DLG2: variants seen among roughly 807,000 people sequenced by gnomAD.
DLG2 encodes the protein discs large MAGUK scaffold protein 2, also known as disks large homolog 2.
Under a neutral mutation model 132.5 loss-of-function variants are expected in DLG2, and 45 were observed. The observed-to-expected ratio is 0.34, with a 90% CI of 0.27 to 0.44. The LOEUF is 0.44. Among genes scored for constraint, DLG2 ranks in the 20% least tolerant of loss-of-function variants. The probability of loss-of-function intolerance (pLI) is 1.00; values close to 1 mark genes in which losing one functional copy is unlikely to be tolerated. For synonymous variants in DLG2, 424 were observed against 419.6 expected (o/e 1.01, Z -0.13); for missense variants, 1,045 against 1,196.9 (o/e 0.87, Z 1.87).
At chr11:85,309,412 A>C (rs999702270) in intron 3 of DLG2, among the ~76,000 whole-genome samples, 2 of 125,720 alleles carry the variant, frequency 1.6e-5, no homozygotes, top group African/African-American at 2.9e-5. Context: ...CACAGACTCC[A>C]TATAGGGGTT....
intron 17 of DLG2, among the ~76,000 whole-genome samples, chr11:83,789,375 C>T (rs1265722363): frequency 3.1e-3 from 18 of 5,842 alleles, no homozygotes; most frequent in Admixed American, 0.013. Flanking sequence ...AAGGACAGGG[C>T]GGGGCGGGAG....
At chr11:83,736,871 C>A (rs1222493915) in intron 18 of DLG2, among the ~76,000 whole-genome samples, 2 of 152,140 alleles carry the variant, frequency 1.3e-5, no homozygotes, top group East Asian at 3.9e-4. Context: ...TGGCTAATTA[C>A]TTCTCTATAG....
At chr11:84,179,083 G>A (rs2096052954) in intron 8 of DLG2, among the ~76,000 whole-genome samples, 1 of 151,874 alleles carries the variant, frequency 6.6e-6, no homozygotes, top group South Asian at 2.1e-4. Flanking sequence ...TATGTGCAAA[G>A]AACTAAAAGA....
At chr11:85,149,820 T>C (rs767195846) in intron 5 of DLG2, among the ~76,000 whole-genome samples, 1 of 151,468 alleles carries the variant, frequency 6.6e-6, no homozygotes, top group African/African-American at 2.4e-5. Flanking sequence ...CGTTGGGAGG[T>C]GGTATATATC....
At chr11:85,068,193 T>A (rs959511875) in intron 6 of DLG2, among the ~76,000 whole-genome samples, 5 of 152,198 alleles carry the variant, frequency 3.3e-5, no homozygotes, top group Non-Finnish European at 5.9e-5. Flanking sequence ...ACAGCCAATA[T>A]CATACTGAAT....
intron 19 of DLG2, among the ~76,000 whole-genome samples, chr11:83,599,719 C>A (rs550335779): frequency 6.6e-6 from 1 of 152,306 alleles, no homozygotes; most frequent in African/African-American, 2.4e-5. Context: ...AACCACAGGG[C>A]AGGCACTCTA....
rs1053368675 is a variant in DLG2, at chr11:84,889,323, G to A, written c.357+222338C>T. 2.6e-5 allele frequency among the ~76,000 whole-genome samples: 4 copies of A among 152,142 alleles called. No individual in the cohort carries two copies. In the South Asian group the frequency reaches 8.3e-4, roughly 32 times the overall value. Reference sequence around the variant, plus strand: ...TGCATTAGATGATAACACTACTGAGGGCTGTAAAAATCTCTGAAGGCTTCA... The same window carrying A: ...TGCATTAGATGATAACACTACTGAGAGCTGTAAAAATCTCTGAAGGCTTCA... On this transcript the variant is annotated intron_variant, in intron 6 of 27. Coordinates refer to ENST00000376104, the MANE Select transcript of DLG2 (RefSeq NM_001142699.3).
chr11:83,831,508 C>CTG (rs753506616), intron 17 of DLG2, among the ~76,000 whole-genome samples: 3,433 of 148,820 alleles, frequency 0.023, 31 homozygotes, highest in Non-Finnish European at 0.025. Flanking sequence ...TTCAGGTAAA[C>CTG]TGTGTGTGTG....
chr11:84,655,843 G>A (rs1162559060), intron 6 of DLG2, among the ~76,000 whole-genome samples: 5 of 151,872 alleles, frequency 3.3e-5, no homozygotes, highest in Admixed American at 3.3e-4. Context: ...CTATCAGGGG[G>A]CCTTTTCATC....
intron 9 of DLG2, among the ~76,000 whole-genome samples, chr11:84,118,986 T>C (rs1344108763): frequency 6.6e-6 from 1 of 152,150 alleles, no homozygotes; most frequent in East Asian, 1.9e-4. Context: ...TTATAAGCCC[T>C]CTAATATCTG....
intron 6 of DLG2, among the ~76,000 whole-genome samples, chr11:84,794,918 C>T (rs923242167): frequency 1.3e-5 from 2 of 152,298 alleles, no homozygotes; most frequent in African/African-American, 2.4e-5. Flanking sequence ...AGCCTGTGTG[C>T]CGTGGGCACC....
At chr11:84,135,999 A>T (rs577844228) in intron 9 of DLG2, among the ~76,000 whole-genome samples, 1 of 152,098 alleles carries the variant, frequency 6.6e-6, no homozygotes, top group African/African-American at 2.4e-5. Flanking sequence ...GAGAGGTGGA[A>T]TTTATAGGAC....
At chr11:84,216,320 G>A (rs1372588196) in intron 8 of DLG2, among the ~76,000 whole-genome samples, 1 of 152,078 alleles carries the variant, frequency 6.6e-6, no homozygotes, top group Non-Finnish European at 1.5e-5. Flanking sequence ...CCTATTTTAA[G>A]TTTAGTTGAT....
intron 5 of DLG2, among the ~76,000 whole-genome samples, chr11:85,134,267 T>TC (rs2075975668): frequency 6.6e-6 from 1 of 151,472 alleles, no homozygotes; most frequent in Non-Finnish European, 1.5e-5. Context: ...TTTTTTTTTT[T>TC]CATAAAAAGT....
At chr11:85,434,511 A>AAATAC (rs1447872950) in intron 3 of DLG2, among the ~76,000 whole-genome samples, 1 of 152,214 alleles carries the variant, frequency 6.6e-6, no homozygotes, top group East Asian at 1.9e-4. Flanking sequence ...GACCCCACAG[A>AAATAC]AATACAAACT....
chr11:85,561,842 A>T lies in DLG2; in HGVS notation c.40+36815T>A, dbSNP rs2077268030. On this transcript the variant is annotated intron_variant, in intron 3 of 27. Coordinates refer to ENST00000376104, the MANE Select transcript of DLG2 (RefSeq NM_001142699.3). The stretch of plus-strand genomic sequence containing the variant: ...GGCAACAATTTGATTGAACACTTAT[A>T]ATATGCCAGTTACTATGCTAACCAT... Among the ~76,000 whole-genome samples the T allele has an allele frequency of 1.3e-5, 2 of 151,888 alleles. 1 individual carries two copies. Among genetic ancestry groups the T allele is most frequent in the South Asian group, 4.2e-4 (2 of 4,818 alleles).
At chr11:83,480,700 T>C in intron 22 of DLG2, 1 of 1,341,794 alleles carries the variant, frequency 7.5e-7, no homozygotes, top group East Asian at 2.5e-5. Flanking sequence ...AGAAAAATAC[T>C]ATGACCCATT....
At chr11:85,620,008 C>A (rs7938991) in intron 2 of DLG2, among the ~76,000 whole-genome samples, 2 of 152,160 alleles carry the variant, frequency 1.3e-5, no homozygotes, top group Admixed American at 6.5e-5. Flanking sequence ...ACTTTGCAGA[C>A]AACACGTTTT....
intron 15 of DLG2, among the ~76,000 whole-genome samples, chr11:83,897,635 C>A (rs2072155337): frequency 6.6e-6 from 1 of 152,158 alleles, no homozygotes; most frequent in Non-Finnish European, 1.5e-5. Context: ...TTCATTAAAT[C>A]AATCACCCAT....
Sources: gnomAD v4.1 joint callset for allele counts (sites outside exome capture counted in the v4.1 genomes callset) on GRCh38, gnomAD v4.1.1 for gene constraint, MANE v1.5 for transcripts, NCBI Gene and HGNC (gene_info 2026-07-23, HGNC 2026-07-21) for gene names.